KIAA1671: variants seen among roughly 807,000 people sequenced by gnomAD.
KIAA1671 encodes the protein uncharacterized protein KIAA1671.
In KIAA1671, 52 loss-of-function variants were observed where a neutral mutation model predicts 131.2. That is an observed-to-expected ratio of 0.40 (90% CI 0.32 to 0.50). The LOEUF (loss-of-function observed/expected upper bound fraction) is 0.50, where lower values mean the gene tolerates loss of function less well. Ranked by LOEUF, KIAA1671 falls within the 20% of genes least tolerant of loss-of-function variation. The pLI is 0.73. For missense variants in KIAA1671, 2,360 were observed against 2,364.2 expected (o/e 1.00, Z 0.04); for synonymous variants, 1,003 against 961.6 (o/e 1.04, Z -0.80).
rs554067724 is a variant in KIAA1671, at chr22:25,153,566, T to A, written c.4531-17254T>A. ...TTGGAAACATACCTGGCCCCTGGGT[T>A]TGAGATTGGGGCTGGTGGAGCTGTG... On this transcript the variant is annotated intron_variant, in intron 6 of 12. Coordinates refer to ENST00000358431, the MANE Select transcript of KIAA1671 (RefSeq NM_001145206.2). Among the ~76,000 whole-genome samples the A allele has an allele frequency of 4.6e-5, 7 of 152,304 alleles. No individual in the cohort carries two copies. The South Asian group carries it at 1.2e-3, about 27-fold the overall frequency.
intron 1 of KIAA1671, among the ~76,000 whole-genome samples, chr22:24,980,072 C>A (rs189960303): frequency 1.3e-5 from 2 of 151,474 alleles, no homozygotes; most frequent in Admixed American, 1.3e-4. Context: ...TCAAGCAATT[C>A]TCCTGCCTCA....
intron 9 of KIAA1671, chr22:25,179,350 C>G: frequency 6.3e-7 from 1 of 1,596,430 alleles, no homozygotes; most frequent in Non-Finnish European, 8.5e-7. Context: ...TTCCTGCGCA[C>G]CTCGGCCGCG....
intron 6 of KIAA1671, among the ~76,000 whole-genome samples, chr22:25,094,200 G>C (rs532310824): frequency 6.6e-6 from 1 of 152,230 alleles, no homozygotes; most frequent in Admixed American, 6.5e-5. Flanking sequence ...TGGGATGAAT[G>C]GTGGTTAAAC....
chr22:24,976,772 G>C (rs773527847), intron 1 of KIAA1671, among the ~76,000 whole-genome samples: 2 of 152,206 alleles, frequency 1.3e-5, no homozygotes, highest in African/African-American at 4.8e-5. Context: ...CAGGAGTCTC[G>C]TGCAAGAGAC....
intron 6 of KIAA1671, among the ~76,000 whole-genome samples, chr22:25,075,730 G>GT (rs1929069359): frequency 6.7e-6 from 1 of 148,208 alleles, no homozygotes; most frequent in Admixed American, 6.8e-5. Flanking sequence ...ATCTCCCAAA[G>GT]TGCCAGGATT....
intron 6 of KIAA1671, chr22:25,112,446 C>T (rs1275603681): frequency 2.5e-6 from 1 of 398,922 alleles, no homozygotes; most frequent in African/African-American, 2.1e-5. Flanking sequence ...CATACAGATT[C>T]GGAACCGCCA....
At chr22:25,020,433 T>A (rs1602072384) in intron 1 of KIAA1671, among the ~76,000 whole-genome samples, 1 of 152,340 alleles carries the variant, frequency 6.6e-6, no homozygotes, top group East Asian at 1.9e-4. Context: ...TTTCCCACAC[T>A]CACGTCTACA....
chr22:25,193,296 T>G lies in KIAA1671; in HGVS notation c.*895T>G, dbSNP rs1006152744. The G allele has an allele frequency of 2.6e-5, 4 of 152,200 alleles. No individual in the cohort carries two copies. Among genetic ancestry groups the G allele is most frequent in the Admixed American group, 2.6e-4 (4 of 15,276 alleles). 9.4% of individuals were successfully genotyped at this position (152,200 alleles called of 1,614,324 possible). ...CATTTGAGCTCTGGTTTCGGTAGGG[T>G]GACCTTTGCCCCTTGGCCTTAAGGG... On this transcript the variant is annotated 3_prime_UTR_variant, in exon 13 of 13. Coordinates refer to ENST00000358431, the MANE Select transcript of KIAA1671 (RefSeq NM_001145206.2).
rs71191010 is a variant in KIAA1671 at position 24,979,170 on chromosome 22, A to ATTTT, written c.-208+26419_-208+26422dup. Among the ~76,000 whole-genome samples the ATTTT allele has an allele frequency of 8.9e-3, 727 of 81,676 alleles. 41 individuals are homozygous for ATTTT. Among genetic ancestry groups the ATTTT allele is most frequent in the African/African-American group, 0.038 (685 of 18,022 alleles). The allele number at this position is 81,676 out of a possible 152,430, so 53.6% of individuals were successfully genotyped here. A position where few individuals can be genotyped will look rare whatever the true frequency, so the allele number is the denominator to read the frequency against. On this transcript the variant is annotated intron_variant, in intron 1 of 12. Coordinates refer to ENST00000358431, the MANE Select transcript of KIAA1671 (RefSeq NM_001145206.2). ...ATCACCATGCCTGGCTAATTTTTGT[A>ATTTT]TTTTTTTTTTTTTTTTTTTTTTTTA...
chr22:24,989,880 C>T (rs979699886), intron 1 of KIAA1671, among the ~76,000 whole-genome samples: 2 of 152,156 alleles, frequency 1.3e-5, no homozygotes, highest in African/African-American at 4.8e-5. Context: ...CAAAAAAAGG[C>T]TGTCCTCTTA....
rs1379287160 is a variant in KIAA1671, at chr22:25,192,818, C to T, written c.*417C>T. 3.3e-5 allele frequency: 5 copies of T among 152,172 alleles called. No individual in the cohort carries two copies. The highest frequency in any genetic ancestry group is 1.2e-4 in the African/African-American group (5 of 41,438). 9.4% of individuals were successfully genotyped at this position (152,172 alleles called of 1,614,324 possible). Reference sequence around the variant, plus strand: ...TGTGAAAGCACCTCCTCACCCGACCCCGGGGCAGGTCTTTTTTTGGAAGGA... The same window carrying T: ...TGTGAAAGCACCTCCTCACCCGACCTCGGGGCAGGTCTTTTTTTGGAAGGA... On this transcript the variant is annotated 3_prime_UTR_variant, in exon 13 of 13. Coordinates refer to ENST00000358431, the MANE Select transcript of KIAA1671 (RefSeq NM_001145206.2).
intron 6 of KIAA1671, among the ~76,000 whole-genome samples, chr22:25,065,480 C>T (rs1928417801): frequency 6.6e-6 from 1 of 152,084 alleles, no homozygotes; most frequent in Non-Finnish European, 1.5e-5. Context: ...GGCCTTGCTA[C>T]ATGCGAGTCT....
intron 1 of KIAA1671, among the ~76,000 whole-genome samples, chr22:24,965,495 CT>C (rs1190255634): frequency 6.6e-6 from 1 of 151,162 alleles, no homozygotes; most frequent in East Asian, 1.9e-4. Context: ...AATCCCAGCA[CT>C]TTGGGAGGCC....
At chr22:24,993,808 G>A (rs1923967487) in intron 1 of KIAA1671, among the ~76,000 whole-genome samples, 1 of 151,954 alleles carries the variant, frequency 6.6e-6, no homozygotes, top group South Asian at 2.1e-4. Flanking sequence ...AGCCGGGTAT[G>A]GTGGCTCTCG....
rs966344669 is a variant in KIAA1671, at chr22:25,112,308, C to T, written c.4531-58512C>T. On this transcript the variant is annotated intron_variant, in intron 6 of 12. Transcript: ENST00000358431. ...ACGGTGGGCCACGAACGGACGAGTGCAGAGTCGGCCAGCCGGACCCCCTTC... is the reference window on the plus strand; with the variant it reads ...ACGGTGGGCCACGAACGGACGAGTGTAGAGTCGGCCAGCCGGACCCCCTTC... 1.4e-4 allele frequency: 54 copies of T among 398,868 alleles called. 1 individual carries two copies. Among genetic ancestry groups the T allele is most frequent in the Non-Finnish European group, 2.3e-4 (51 of 226,072 alleles). The allele number at this position is 398,868 out of a possible 1,614,324, so 24.7% of individuals were successfully genotyped here.
At chr22:24,985,885 T>C (rs1174872284) in intron 1 of KIAA1671, among the ~76,000 whole-genome samples, 3 of 152,076 alleles carry the variant, frequency 2.0e-5, no homozygotes, top group African/African-American at 7.2e-5. Context: ...TGAGGATTTT[T>C]CTCCAACTGT....
intron 6 of KIAA1671, among the ~76,000 whole-genome samples, chr22:25,098,240 C>G (rs531991838): frequency 6.6e-6 from 1 of 152,120 alleles, no homozygotes; most frequent in Non-Finnish European, 1.5e-5. Context: ...AGAAATTGGC[C>G]AGAGAAAGGG....
At chr22:24,988,267 T>G (rs1383253916) in intron 1 of KIAA1671, among the ~76,000 whole-genome samples, 23 of 114,930 alleles carry the variant, frequency 2.0e-4, no homozygotes, top group African/African-American at 8.3e-4. Flanking sequence ...GCAACAAGAG[T>G]GAAACTCCAT....
At chr22:25,157,948 A>G (rs1387554338) in intron 6 of KIAA1671, among the ~76,000 whole-genome samples, 1 of 151,904 alleles carries the variant, frequency 6.6e-6, no homozygotes, top group African/African-American at 2.4e-5. Flanking sequence ...CAGCCTCCCG[A>G]GTAGCTGGGA....
Sources: gnomAD v4.1 joint callset for allele counts (sites outside exome capture counted in the v4.1 genomes callset) on GRCh38, gnomAD v4.1.1 for gene constraint, MANE v1.5 for transcripts, NCBI Gene and HGNC (gene_info 2026-07-23, HGNC 2026-07-21) for gene names.